The following LCOR variants were observed in gnomAD, a reference collection of about 807,000 sequenced individuals.
The protein encoded by LCOR is ligand-dependent corepressor.
Under a neutral mutation model 64.4 loss-of-function variants are expected in LCOR, and 14 were observed. That is an observed-to-expected ratio of 0.22 (90% CI 0.14 to 0.34). The LOEUF is 0.34. Ranked by LOEUF, LCOR falls within the 10% of genes least tolerant of loss-of-function variation. LCOR has a pLI of 1.00. For synonymous variants in LCOR, 643 were observed against 642.5 expected (o/e 1.00, Z -0.01); for missense variants, 1,686 against 1,765.3 (o/e 0.96, Z 0.80).
intron 7 of LCOR, 52 bp downstream of exon 7, chr10:96,952,248 A>G (rs1159522415): frequency 8.1e-7 from 1 of 1,240,812 alleles, no homozygotes; most frequent in East Asian, 2.3e-5. Context: ...TAATTCATCA[A>G]AGGTTGATGC....
chr10:96,957,098 T>C, intron 7 of LCOR: 3 of 985,178 alleles, frequency 3.0e-6, no homozygotes, highest in South Asian at 4.7e-5. Context: ...CAATCAGAAG[T>C]CAAGCTCATT....
At chr10:96,846,359 A>G (rs372071673) in intron 2 of LCOR, among the ~76,000 whole-genome samples, 21 of 152,148 alleles carry the variant, frequency 1.4e-4, no homozygotes, top group African/African-American at 4.8e-4. Context: ...GGCTCAAGCA[A>G]TCCTCCCACC....
intron 2 of LCOR, among the ~76,000 whole-genome samples, chr10:96,837,323 C>G (rs1211605569): frequency 6.6e-6 from 1 of 151,954 alleles, no homozygotes; most frequent in African/African-American, 2.4e-5. Flanking sequence ...GTGGCGTGAT[C>G]TTGGCTCACT....
rs373229209 is a variant in LCOR at position 96,984,600 on chromosome 10, A to G, written c.4140A>G (p.Gly1380=). ...VKPKSTEGMK[G]RKGKQVSEIL... ...CCAAGAGTACTGAAGGAATGAAGGG[A>G]AGGAAGGGGAAGCAGGTGTCTGAAA... is the stretch of plus-strand genomic sequence containing the variant. Residue 1380 remains glycine (G), a synonymous_variant, in exon 8 of 8, where the codon GGA becomes GGG. Transcript: ENST00000421806. The G allele has an allele frequency of 3.1e-6, 5 of 1,614,178 alleles. No individual in the cohort carries two copies. In the South Asian group the frequency reaches 5.5e-5, roughly 18 times the overall value.
rs1391489721 is a variant in LCOR, at chr10:96,994,859, C to G, written c.*9725C>G. Reference sequence around the variant, plus strand: ...TTTCAAAATTGAGCTCCTCCAAGGTCATTGGCCAATGCTGTGTGCAGGCAT... The same window carrying G: ...TTTCAAAATTGAGCTCCTCCAAGGTGATTGGCCAATGCTGTGTGCAGGCAT... On this transcript the variant is annotated 3_prime_UTR_variant, in exon 8 of 8. Coordinates refer to ENST00000421806, the MANE Select transcript of LCOR (RefSeq NM_001346516.2). 6.6e-6 allele frequency: 1 copy of G among 152,224 alleles called. No homozygotes were observed. Among genetic ancestry groups the G allele is most frequent in the African/African-American group, 2.4e-5 (1 of 41,450 alleles). The allele number at this position is 152,224 out of a possible 1,614,324, so 9.4% of individuals were successfully genotyped here. A position where few individuals can be genotyped will look rare whatever the true frequency, so the allele number is the denominator to read the frequency against.
At chr10:96,833,892 A>T (rs1050485350) in intron 2 of LCOR, among the ~76,000 whole-genome samples, 2 of 151,628 alleles carry the variant, frequency 1.3e-5, no homozygotes, top group Admixed American at 6.6e-5. Context: ...CTGATTTAAT[A>T]GACATATCTG....
intron 2 of LCOR, among the ~76,000 whole-genome samples, chr10:96,866,548 T>C (rs558646423): frequency 6.6e-6 from 1 of 152,278 alleles, no homozygotes; most frequent in East Asian, 1.9e-4. Flanking sequence ...AGGTTGGAGA[T>C]AGATGTATGT....
In LCOR at chr10:96,886,869, T is replaced by C. The variant is rs1045313113; in HGVS notation, c.-329-20396T>C. Among the ~76,000 whole-genome samples the C allele has an allele frequency of 3.9e-5, 6 of 152,218 alleles. No individual in the cohort carries two copies. In the South Asian group the frequency reaches 1.2e-3, roughly 31 times the overall value. On this transcript the variant is annotated intron_variant, in intron 2 of 7. Transcript: ENST00000421806. Reference sequence around the variant, plus strand: ...GTATTCTAATCATATAACTTTATACTCTTTTACTCAGCAAATTGGGACCTA... The same window carrying C: ...GTATTCTAATCATATAACTTTATACCCTTTTACTCAGCAAATTGGGACCTA...
intron 2 of LCOR, among the ~76,000 whole-genome samples, chr10:96,891,835 AC>A (rs1283535764): frequency 6.6e-6 from 1 of 151,650 alleles, no homozygotes; most frequent in Non-Finnish European, 1.5e-5. Flanking sequence ...GAGCCACCAC[AC>A]CTAGCCTGTA....
chr10:96,909,159 A>G (rs1846785118), intron 4 of LCOR, among the ~76,000 whole-genome samples: 1 of 152,034 alleles, frequency 6.6e-6, no homozygotes, highest in South Asian at 2.1e-4. Context: ...ATATTCCTAC[A>G]AGGTTAAACT....
chr10:96,980,121 G>A (rs1589691913), intron 7 of LCOR, among the ~76,000 whole-genome samples: 1 of 151,930 alleles, frequency 6.6e-6, no homozygotes, highest in African/African-American at 2.4e-5. Flanking sequence ...TCCAGCCTGG[G>A]CGACAGAGCA....
At chr10:96,922,159 A>G (rs992091105) in intron 4 of LCOR, among the ~76,000 whole-genome samples, 4 of 152,146 alleles carry the variant, frequency 2.6e-5, no homozygotes, top group Admixed American at 2.6e-4. Context: ...TCAGCTGGCA[A>G]TATTAAGTCT....
At chr10:96,970,598 C>CATTTT (rs529698846) in intron 7 of LCOR, among the ~76,000 whole-genome samples, 22,511 of 141,014 alleles carry the variant, frequency 0.16, 2,313 homozygotes, top group African/African-American at 0.32. Flanking sequence ...TCCTAACCAG[C>CATTTT]ATTTTATTTT....
At chr10:96,852,730 T>C (rs181458639) in intron 2 of LCOR, among the ~76,000 whole-genome samples, 1 of 152,314 alleles carries the variant, frequency 6.6e-6, no homozygotes, top group African/African-American at 2.4e-5. Context: ...GTGGTGGTGA[T>C]AGTTAAGGGA....
Position 96,982,563 on chromosome 10 carries a change from T to C in LCOR, c.2103T>C (p.Ser701=). The C allele has an allele frequency of 1.2e-6, 2 of 1,614,104 alleles. No individual in the cohort carries two copies. Among genetic ancestry groups the C allele is most frequent in the Non-Finnish European group, 8.5e-7 (1 of 1,180,034 alleles). ...CTGAAATAGTCAGTAGAGAAGAAAG[T>C]CCTCAGTGCTCAGAAAATCAGAGTT... The part of the protein sequence containing the change: ...SPPEIVSREE[S]PQCSENQSSP... Residue 701 remains serine (S), a synonymous_variant, in exon 8 of 8, where the codon AGT becomes AGC. Transcript: ENST00000421806.
chr10:96,940,264 A>G (rs920485521), intron 4 of LCOR, among the ~76,000 whole-genome samples: 1 of 151,620 alleles, frequency 6.6e-6, no homozygotes, highest in Non-Finnish European at 1.5e-5. Flanking sequence ...AATTTATAAA[A>G]GAATGTTGGC....
At chr10:96,958,172 G>T in intron 7 of LCOR, 1 of 1,277,366 alleles carries the variant, frequency 7.8e-7, no homozygotes, top group Non-Finnish European at 9.9e-7. Context: ...CTACAAAAAG[G>T]TCCTTTGAGA....
intron 2 of LCOR, among the ~76,000 whole-genome samples, chr10:96,851,652 A>G (rs1327266056): frequency 6.6e-6 from 1 of 152,240 alleles, no homozygotes; most frequent in Non-Finnish European, 1.5e-5. Context: ...CAAACATTTT[A>G]AAAAAGCCAT....
At chr10:96,978,737 A>G (rs761368596) in intron 7 of LCOR, among the ~76,000 whole-genome samples, 2 of 152,212 alleles carry the variant, frequency 1.3e-5, no homozygotes, top group Non-Finnish European at 2.9e-5. Context: ...TAAGCAACAG[A>G]TTTGACTAAT....
Sources: gnomAD v4.1 joint callset for allele counts (sites outside exome capture counted in the v4.1 genomes callset) on GRCh38, gnomAD v4.1.1 for gene constraint, MANE v1.5 for transcripts, NCBI Gene and HGNC (gene_info 2026-07-23, HGNC 2026-07-21) for gene names.